The following POLR2B variants were observed in gnomAD, a reference collection of about 807,000 sequenced individuals.
The protein encoded by POLR2B is RNA polymerase II subunit B, also known as DNA-directed RNA polymerase II subunit RPB2.
In POLR2B, 57 loss-of-function variants were observed where a neutral mutation model predicts 144.6. That is an observed-to-expected ratio of 0.39 (90% CI 0.32 to 0.49). The LOEUF is 0.49. Among genes scored for constraint, POLR2B ranks in the 20% least tolerant of loss-of-function variants. POLR2B has a pLI of 0.83. For missense variants in POLR2B, 595 were observed against 1,467.4 expected (o/e 0.41, Z 9.71); for synonymous variants, 442 against 469.8 (o/e 0.94, Z 0.77).
At chr4:56,997,984 T>C (rs1345410454) in intron 6 of POLR2B, among the ~76,000 whole-genome samples, 1 of 152,170 alleles carries the variant, frequency 6.6e-6, no homozygotes, top group African/African-American at 2.4e-5. Context: ...TTAGGGAGAC[T>C]ATCATGGCAA....
chr4:57,011,726 A>G (rs1344727374), intron 13 of POLR2B, among the ~76,000 whole-genome samples: 1 of 151,474 alleles, frequency 6.6e-6, no homozygotes, highest in African/African-American at 2.4e-5. Flanking sequence ...AGGAAGCTGA[A>G]GCAGGAGAAT....
chr4:56,999,638 G>A lies in POLR2B; in HGVS notation c.757G>A (p.Gly253Ser). The A allele has an allele frequency of 6.2e-7, 1 of 1,610,908 alleles. No individual in the cohort carries two copies. Among genetic ancestry groups the A allele is most frequent in the Non-Finnish European group, 8.5e-7 (1 of 1,178,154 alleles). Residue 253 changes from glycine (G) to serine (S), a missense_variant, in exon 7 of 25, where the codon GGT (glycine) becomes AGT (serine). Physicochemically the swap from Gly to Ser is moderately conservative, Grantham distance 56. Around this residue, in one of 9 missense-constraint regions of POLR2B, gnomAD observed 251 missense variants for 567.3 expected, o/e 0.44. Coordinates refer to ENST00000314595, the MANE Select transcript of POLR2B (RefSeq NM_000938.3). ...CTAGGGTGCCAAGAAGAGTGCTATT[G>A]GTCAGCGCATTGTGGCAACTCTACC... Reference protein sequence around the residue: ...GGQGAKKSAIGQRIVATLPYI... With the variant: ...GGQGAKKSAISQRIVATLPYI...
chr4:56,990,351 G>A (rs1262294412), intron 2 of POLR2B, among the ~76,000 whole-genome samples: 3 of 151,990 alleles, frequency 2.0e-5, no homozygotes, highest in African/African-American at 7.2e-5. Flanking sequence ...TCATCCTCTT[G>A]AATATGTGGG....
intron 6 of POLR2B, among the ~76,000 whole-genome samples, chr4:56,996,263 T>TAC (rs1491412296): frequency 0.055 from 4,736 of 85,442 alleles, 229 homozygotes; most frequent in African/African-American, 0.064. Context: ...TGTGTGTGTG[T>TAC]ATATATATAT....
intron 1 of POLR2B, among the ~76,000 whole-genome samples, chr4:56,980,598 T>C (rs1025115983): frequency 2.0e-5 from 3 of 152,082 alleles, no homozygotes; most frequent in African/African-American, 7.2e-5. Flanking sequence ...TGCTCACCTA[T>C]AGTCCCAGCT....
intron 10 of POLR2B, 33 bp from the exon 11 acceptor site, chr4:57,010,328 T>G (rs769834499): frequency 5.6e-6 from 9 of 1,605,996 alleles, no homozygotes; most frequent in Non-Finnish European, 6.8e-6. Context: ...CACAGAAATG[T>G]CCAGACTTTA....
In POLR2B at chr4:56,995,334, G is replaced by A. The variant is rs746201776; in HGVS notation, c.660G>A (p.Glu220=). 5.0e-6 allele frequency: 8 copies of A among 1,612,716 alleles called. No individual in the cohort carries two copies. The highest frequency in any genetic ancestry group is 2.7e-5 in the African/African-American group (2 of 75,014). The change falls in exon 6 of 25, where the codon GAG becomes GAA. Residue 220 remains glutamate, a synonymous_variant. Transcript: ENST00000314595. ...ATTCTAAATATGCCTACACAGGAGA[G>A]TGTAGATCATGTCTTGAGAATTCTT... The part of the protein sequence containing the change: ...KKDSKYAYTG[E]CRSCLENSSR...
At chr4:57,020,725 G>C (rs1026473226) in intron 16 of POLR2B, among the ~76,000 whole-genome samples, 174 bp from the exon 17 acceptor site, 2 of 152,124 alleles carry the variant, frequency 1.3e-5, no homozygotes, top group African/African-American at 4.8e-5. Context: ...TTAGCCATCA[G>C]AGTAGTTGCC....
chr4:57,011,910 A>C (rs1004352568), intron 13 of POLR2B, among the ~76,000 whole-genome samples: 1 of 152,222 alleles, frequency 6.6e-6, no homozygotes, highest in Admixed American at 6.5e-5. Context: ...ATATTTTAGA[A>C]CTCAAATTAC....
At chr4:57,002,385 C>G (rs1578571538) in intron 7 of POLR2B, among the ~76,000 whole-genome samples, 1 of 152,038 alleles carries the variant, frequency 6.6e-6, no homozygotes, top group South Asian at 2.1e-4. Flanking sequence ...TGTATGTTGT[C>G]TTTTTGAGTA....
intron 23 of POLR2B, among the ~76,000 whole-genome samples, chr4:57,026,162 T>C (rs902740657): frequency 6.6e-6 from 1 of 151,820 alleles, no homozygotes; most frequent in African/African-American, 2.4e-5. Context: ...CACTTGAACC[T>C]GGGAGGCGGA....
At position 57,005,335 on chromosome 4, in the gene POLR2B, T is replaced by C; in HGVS notation, c.990T>C (p.Val330=). 6.2e-7 allele frequency: 1 copy of C among 1,609,492 alleles called. No homozygotes were observed. The highest frequency in any genetic ancestry group is 8.5e-7 in the Non-Finnish European group (1 of 1,177,786). The stretch of plus-strand genomic sequence containing the variant: ...GTTCAAGAGGAGCAAAGCCTGGTGT[T>C]ACTAAAGAGAAAAGAATTAAATATG... ...FIGSRGAKPG[V]TKEKRIKYAK... is the part of the protein sequence containing the mutation. The change falls in exon 8 of 25, where the codon GTT becomes GTC. Residue 330 remains valine, a synonymous_variant. Transcript: ENST00000314595.
Position 57,017,361 on chromosome 4 carries a change from ACGGAATCAG to A in POLR2B, c.2154+121_2154+129del. ...TTTAATGAAAAGGCTATTAACTCCT[ACGGAATCAG>A]TATTTGATATAATTGCTGTTGTGTT... On this transcript the variant is annotated intron_variant, in intron 15 of 24. Coordinates refer to ENST00000314595, the MANE Select transcript of POLR2B (RefSeq NM_000938.3). The surrounding 1 kb of genome is among the most constrained non-coding windows in gnomAD (Gnocchi z 4.8). The A allele has an allele frequency of 2.5e-6, 2 of 811,356 alleles. No individual in the cohort carries two copies. Among genetic ancestry groups the A allele is most frequent in the Non-Finnish European group, 4.0e-6 (2 of 496,850 alleles). The allele number at this position is 811,356 out of a possible 1,614,324, so 50.3% of individuals were successfully genotyped here.
At position 56,994,649 on chromosome 4, in the gene POLR2B, AT is replaced by A; in HGVS notation, c.361del (p.Ser121LeufsTer8). On this transcript the variant is annotated frameshift_variant, in exon 5 of 25. Coordinates refer to ENST00000314595, the MANE Select transcript of POLR2B (RefSeq NM_000938.3). LOFTEE classifies it high-confidence loss of function. ...GTGATCTACTTTTATTTTCAAAGGT[AT>A]TCTGCTCCGCTTTATGTTGATATAA... ...PNEARLRNLT[Y>X]SAPLYVDITK... 1.3e-6 allele frequency: 2 copies of A among 1,598,954 alleles called. No homozygotes were observed. Among genetic ancestry groups the A allele is most frequent in the Non-Finnish European group, 1.7e-6 (2 of 1,166,360 alleles).
At position 57,025,447 on chromosome 4, in the gene POLR2B, G is replaced by A. The variant is rs1451907844; in HGVS notation, c.3149G>A (p.Arg1050His). 1 of 1,612,016 alleles carries A rather than the reference G, an allele frequency of 6.2e-7. No homozygotes were observed. The change falls in exon 23 of 25, where the codon CGT becomes CAT. Residue 1050 changes from arginine to histidine, a missense_variant. By Grantham distance (29) the Arg-to-His change is conservative. Coordinates refer to ENST00000314595, the MANE Select transcript of POLR2B (RefSeq NM_000938.3). ...QIFIGPTYYQRLKHMVDDKIH... is the reference protein window; with the variant it reads ...QIFIGPTYYQHLKHMVDDKIH... ...TTTATTGGCCCCACTTATTACCAGCGTTTGAAGCATATGGTGGATGATAAG... is the reference window on the plus strand; with the variant it reads ...TTTATTGGCCCCACTTATTACCAGCATTTGAAGCATATGGTGGATGATAAG...
chr4:56,988,351 AGGTAG>A (rs1722395399), intron 2 of POLR2B, among the ~76,000 whole-genome samples: 2 of 152,084 alleles, frequency 1.3e-5, no homozygotes, highest in Non-Finnish European at 2.9e-5. Context: ...CCCTGGCCAC[AGGTAG>A]AATTAAGAAA....
At chr4:56,995,480 T>C in intron 6 of POLR2B, 71 bp downstream of exon 6, 1 of 1,113,872 alleles carries the variant, frequency 9.0e-7, no homozygotes, top group Non-Finnish European at 1.3e-6. Context: ...TAGACTGCCT[T>C]CTTTGTCCAT....
chr4:56,995,520 T>C, intron 6 of POLR2B, 111 bp downstream of exon 6: 2 of 683,028 alleles, frequency 2.9e-6, no homozygotes, highest in Middle Eastern at 2.8e-4. Context: ...ATTGTTGTTA[T>C]ATATCGTATT....
At chr4:57,014,118 G>A (rs34855462) in intron 13 of POLR2B, among the ~76,000 whole-genome samples, 28,417 of 152,104 alleles carry the variant, frequency 0.19, 3,382 homozygotes, top group Middle Eastern at 0.34. Flanking sequence ...ACTTTCTAAG[G>A]ACAGGCAGTA....
Sources: allele counts gnomAD v4.1 joint callset (sites outside exome capture counted in the v4.1 genomes callset), GRCh38; gene constraint gnomAD v4.1.1; regional missense constraint gnomAD v4.1.1; non-coding constraint Gnocchi (gnomAD v3.1); transcripts MANE v1.5; gene names NCBI Gene and HGNC (gene_info 2026-07-23, HGNC 2026-07-21).